The following NBAS variants were observed in gnomAD, a reference collection of about 807,000 sequenced individuals.
NBAS encodes the protein NBAS subunit of NRZ tethering complex, also known as NAG/BC035112 fusion.
A neutral mutation model predicts 302.5 loss-of-function variants in NBAS; 219 were observed. That is an observed-to-expected ratio of 0.72 (90% CI 0.65 to 0.81). The LOEUF is 0.81. NBAS is among the 30% of genes least tolerant of loss of function. The pLI, the probability that NBAS is intolerant of heterozygous loss-of-function variation, is 0.00. For synonymous variants in NBAS, 1,118 were observed against 1,021.6 expected (o/e 1.09, Z -1.80); for missense variants, 2,932 against 2,841.6 (o/e 1.03, Z -0.72).
Position 15,455,425 on chromosome 2 carries a change from GA to G in NBAS, c.2339+5775del, listed in dbSNP as rs546097125. Among the ~76,000 whole-genome samples the G allele has an allele frequency of 2.0e-5, 3 of 151,618 alleles. No individual in the cohort carries two copies. In the East Asian group the frequency reaches 5.8e-4, roughly 29 times the overall value. On this transcript the variant is annotated intron_variant, in intron 21 of 51. Coordinates refer to ENST00000281513, the MANE Select transcript of NBAS (RefSeq NM_015909.4). ...ATATGCTATGGTTATATAAGAAGAAGAAAAAAAACCTAGGTGAATAGTATAT... is the reference window on the plus strand; with the variant it reads ...ATATGCTATGGTTATATAAGAAGAAGAAAAAAACCTAGGTGAATAGTATAT...
the NBAS span, among the ~76,000 whole-genome samples, chr2:15,076,855 A>C: frequency 6.6e-6 from 1 of 152,246 alleles, no homozygotes; most frequent in African/African-American, 2.4e-5. Context: ...ACAACAGCTC[A>C]GAGTTTTCAA....
At chr2:14,875,752 A>G in the NBAS span, among the ~76,000 whole-genome samples, 1 of 152,252 alleles carries the variant, frequency 6.6e-6, no homozygotes, top group Admixed American at 6.5e-5. Flanking sequence ...CTACATTATA[A>G]AGAGAATGAG....
At chr2:14,793,055 T>G in the NBAS span, among the ~76,000 whole-genome samples, 1 of 143,710 alleles carries the variant, frequency 7.0e-6, no homozygotes, top group Non-Finnish European at 1.5e-5. Flanking sequence ...TCTCATTCTT[T>G]CTCTGTCTCT....
chr2:15,061,886 T>C, the NBAS span, among the ~76,000 whole-genome samples: 103 of 152,278 alleles, frequency 6.8e-4, no homozygotes, highest in Non-Finnish European at 1.4e-3. Context: ...CAAAGCATTA[T>C]ATCATTGAAG....
At chr2:15,085,278 G>C in the NBAS span, among the ~76,000 whole-genome samples, 11,643 of 152,110 alleles carry the variant, frequency 0.077, 1,064 homozygotes, top group African/African-American at 0.21. Flanking sequence ...GACCAGTGGT[G>C]CAGCCACTGG....
chr2:15,513,481 C>T (rs1333867503), intron 9 of NBAS, among the ~76,000 whole-genome samples: 1 of 151,930 alleles, frequency 6.6e-6, no homozygotes, highest in Non-Finnish European at 1.5e-5. Flanking sequence ...ATCATATTAT[C>T]CCTCAGAATC....
At chr2:15,401,328 C>G (rs1676141694) in intron 26 of NBAS, among the ~76,000 whole-genome samples, 1 of 151,548 alleles carries the variant, frequency 6.6e-6, no homozygotes, top group Admixed American at 6.6e-5. Flanking sequence ...TATGAGCCCC[C>G]CCTCCCAAAA....
At chr2:15,386,431 T>A (rs1400564620) in intron 28 of NBAS, among the ~76,000 whole-genome samples, 5 of 152,218 alleles carry the variant, frequency 3.3e-5, no homozygotes, top group Non-Finnish European at 5.9e-5. Context: ...GTAAACAAAA[T>A]ATGTTTTAAA....
At position 15,439,632 on chromosome 2, in the gene NBAS, T is replaced by G. The variant is rs1324653091; in HGVS notation, c.2340-11838A>C. On this transcript the variant is annotated intron_variant, in intron 21 of 51. Coordinates refer to ENST00000281513, the MANE Select transcript of NBAS (RefSeq NM_015909.4). ...ATCTGAGGTACCAGGTTCATCTCAC[T>G]AGGGAGTGCCAGACAGTGGGCGCAG... Among the ~76,000 whole-genome samples, 5 of 152,192 alleles carry G rather than the reference T, an allele frequency of 3.3e-5. No individual in the cohort carries two copies. The East Asian group carries it at 7.8e-4, about 24-fold the overall frequency.
chr2:14,856,908 T>C, the NBAS span, among the ~76,000 whole-genome samples: 3 of 152,176 alleles, frequency 2.0e-5, no homozygotes, highest in African/African-American at 7.2e-5. Flanking sequence ...ATGATATGAT[T>C]TGATATTTTG....
Position 15,303,383 on chromosome 2 carries a change from G to A in NBAS, c.4797+4833C>T, listed in dbSNP as rs911377255. On this transcript the variant is annotated intron_variant, in intron 40 of 51. Coordinates refer to ENST00000281513, the MANE Select transcript of NBAS (RefSeq NM_015909.4). Reference sequence around the variant, plus strand: ...TGTCCTTTAGAGTAGGTACTCTAACGCTGAATTGATAAAAGGGTACACAAA... The same window carrying A: ...TGTCCTTTAGAGTAGGTACTCTAACACTGAATTGATAAAAGGGTACACAAA... 5.3e-5 allele frequency among the ~76,000 whole-genome samples: 8 copies of A among 152,164 alleles called. 1 individual carries two copies. The highest frequency in any genetic ancestry group is 3.9e-4 in the East Asian group (2 of 5,188).
intron 21 of NBAS, among the ~76,000 whole-genome samples, chr2:15,451,433 A>T (rs1446691025): frequency 2.6e-5 from 4 of 152,164 alleles, no homozygotes; most frequent in Non-Finnish European, 5.9e-5. Context: ...CATTTCTGGA[A>T]AATCATAAAC....
the NBAS span, among the ~76,000 whole-genome samples, chr2:15,088,847 C>G: frequency 6.6e-6 from 1 of 152,194 alleles, no homozygotes; most frequent in Non-Finnish European, 1.5e-5. Flanking sequence ...TCTTCTCATG[C>G]CCAGAAACCG....
At chr2:14,783,864 T>C in the NBAS span, among the ~76,000 whole-genome samples, 1 of 150,744 alleles carries the variant, frequency 6.6e-6, no homozygotes, top group Non-Finnish European at 1.5e-5. Flanking sequence ...TCAAATGGTA[T>C]TTCTAGTTCT....
At chr2:15,374,526 T>G (rs1674638858) in intron 31 of NBAS, 82 bp downstream of exon 31, 2 of 1,185,280 alleles carry the variant, frequency 1.7e-6, no homozygotes. Flanking sequence ...AGCTACTCTT[T>G]AGTTTTAAAA....
At chr2:15,433,499 C>G (rs1264841749) in intron 21 of NBAS, among the ~76,000 whole-genome samples, 5 of 152,132 alleles carry the variant, frequency 3.3e-5, no homozygotes, top group African/African-American at 1.2e-4. Flanking sequence ...ACAATAGCAT[C>G]ATATTAATAA....
chr2:15,002,283 G>A, the NBAS span, among the ~76,000 whole-genome samples: 1 of 152,114 alleles, frequency 6.6e-6, no homozygotes, highest in African/African-American at 2.4e-5. Flanking sequence ...CAGACATAAA[G>A]GTTCTCCAAG....
chr2:15,285,939 C>A (rs1382787564), intron 42 of NBAS, among the ~76,000 whole-genome samples: 1 of 152,180 alleles, frequency 6.6e-6, no homozygotes, highest in African/African-American at 2.4e-5. Flanking sequence ...GGATTACAGG[C>A]GTGAGCCATG....
the NBAS span, among the ~76,000 whole-genome samples, chr2:15,017,144 C>G: frequency 6.6e-6 from 1 of 152,098 alleles, no homozygotes; most frequent in African/African-American, 2.4e-5. Context: ...CCCCACCTCT[C>G]ACCCTATACA....
Sources: gnomAD v4.1 joint callset for allele counts (sites outside exome capture counted in the v4.1 genomes callset) on GRCh38, gnomAD v4.1.1 for gene constraint, MANE v1.5 for transcripts, NCBI Gene and HGNC (gene_info 2026-07-23, HGNC 2026-07-21) for gene names.